Variants in PAX6 observed in about 807,000 individuals in gnomAD.
The protein encoded by PAX6 is paired box 6.
PAX6 carries 7 observed loss-of-function variants against 60.7 expected under a neutral mutation model. The ratio of observed to expected loss-of-function variants is 0.12; its 90% CI spans 0.07 to 0.22. The LOEUF (loss-of-function observed/expected upper bound fraction) is 0.22. PAX6 is among the 10% of genes least tolerant of loss of function. PAX6 has a pLI of 1.00. For synonymous variants in PAX6, 208 were observed against 201.2 expected (o/e 1.03, Z -0.29); for missense variants, 355 against 555.2 (o/e 0.64, Z 3.62).
At position 31,789,896 on chromosome 11, in the gene PAX6, CA is replaced by C. The variant is rs772347211; in HGVS notation, c.*37del. ...TCCCCATAGTCACTGACTGAATTAA[CA>C]CAATATTTCCTTTCCTTTTTTTTTT... On this transcript the variant is annotated 3_prime_UTR_variant, in exon 14 of 14. Coordinates refer to ENST00000640368, the MANE Select transcript of PAX6 (RefSeq NM_001368894.2). The C allele has an allele frequency of 6.5e-7, 1 of 1,537,202 alleles. No individual in the cohort carries two copies. Among genetic ancestry groups the C allele is most frequent in the Non-Finnish European group, 8.9e-7 (1 of 1,126,662 alleles).
intron 12 of PAX6, chr11:31,791,261 G>A: frequency 2.9e-6 from 1 of 346,562 alleles, no homozygotes; most frequent in East Asian, 7.0e-5. Context: ...GACCCCCAGA[G>A]CCCATATCTC....
intron 8 of PAX6, among the ~76,000 whole-genome samples, chr11:31,796,559 A>G (rs1240538290): frequency 9.1e-6 from 1 of 110,004 alleles, no homozygotes; most frequent in Non-Finnish European, 1.7e-5. Flanking sequence ...TCCTACATAG[A>G]GGAGATGGAG....
intron 1 of PAX6, chr11:31,817,708 G>A (rs1162675803): frequency 6.6e-6 from 1 of 152,252 alleles, no homozygotes; most frequent in Admixed American, 6.5e-5. Context: ...TCAAGCCCCG[G>A]GGCCACTTGG....
chr11:31,806,149 C>A (rs1592606534), intron 4 of PAX6: 1 of 490,006 alleles, frequency 2.0e-6, no homozygotes, highest in Admixed American at 4.1e-5. Flanking sequence ...GTTTCTCTAC[C>A]GCAGCTTCGA....
chr11:31,816,462 G>T, intron 1 of PAX6: 1 of 684,338 alleles, frequency 1.5e-6, no homozygotes, highest in East Asian at 2.7e-5. Context: ...TTTTCTCGCC[G>T]TGACAGCCGA....
chr11:31,817,168 C>T (rs569462498), intron 1 of PAX6, among the ~76,000 whole-genome samples: 30 of 152,378 alleles, frequency 2.0e-4, no homozygotes, highest in Non-Finnish European at 4.1e-4. Context: ...CAGTGAGAAT[C>T]GCTAATTATT....
At chr11:31,793,967 C>T in intron 10 of PAX6, 65 bp downstream of exon 10, 1 of 1,289,592 alleles carries the variant, frequency 7.8e-7, no homozygotes, top group Non-Finnish European at 1.1e-6. Flanking sequence ...GTACAAGCAC[C>T]TCTGTCTCTA....
At position 31,790,119 on chromosome 11, in the gene PAX6, A is replaced by C. The variant is rs563795282; in HGVS notation, c.1226-100T>G. ...TTACAAAAAAAAAAAAAAAAAAAAA[A>C]ACTAATACTTTCTAACATTTTTTAC... On this transcript the variant is annotated intron_variant, in intron 13 of 13. Transcript: ENST00000640368. The C allele has an allele frequency of 4.0e-5, 31 of 771,886 alleles. 1 individual carries two copies. In the African/African-American group the frequency reaches 5.0e-4, roughly 12 times the overall value. The allele number at this position is 771,886 out of a possible 1,614,324, so 47.8% of individuals were successfully genotyped here.
intron 4 of PAX6, chr11:31,804,611 C>T (rs992617990): frequency 6.6e-6 from 1 of 152,392 alleles, no homozygotes; most frequent in African/African-American, 2.4e-5. Context: ...CTCCTAACTT[C>T]CTTTTATTGC....
chr11:31,805,728 G>A lies in PAX6; in HGVS notation c.10+674C>T, dbSNP rs143112394. On this transcript the variant is annotated intron_variant, in intron 4 of 13. Transcript: ENST00000640368. ...GGCCATAAGTATCAAAAGCGCTCTG[G>A]GCCTGGGACTATCAGGACCCAAGCA... 5 of 152,860 alleles carry A rather than the reference G, an allele frequency of 3.3e-5. No homozygotes were observed. The East Asian group carries it at 9.7e-4, about 30-fold the overall frequency. The allele number at this position is 152,860 out of a possible 1,614,324, so 9.5% of individuals were successfully genotyped here.
intron 1 of PAX6, among the ~76,000 whole-genome samples, chr11:31,816,895 G>A (rs1018148759): frequency 6.6e-6 from 1 of 152,254 alleles, no homozygotes; most frequent in African/African-American, 2.4e-5. Flanking sequence ...GCCTAAGCCG[G>A]CCTGGGCGTC....
At chr11:31,795,073 T>C (rs1951095501) in intron 8 of PAX6, among the ~76,000 whole-genome samples, 1 of 152,190 alleles carries the variant, frequency 6.6e-6, no homozygotes, top group South Asian at 2.1e-4. Context: ...AAATGATCTT[T>C]TATAAGTAAC....
At chr11:31,799,575 G>T (rs1459542524) in intron 8 of PAX6, among the ~76,000 whole-genome samples, 3 of 152,202 alleles carry the variant, frequency 2.0e-5, no homozygotes, top group Non-Finnish European at 4.4e-5. Flanking sequence ...ATTACAGAGC[G>T]ACAGGATTGT....
chr11:31,790,672 G>C, intron 13 of PAX6, 38 bp downstream of exon 13: 1 of 1,613,466 alleles, frequency 6.2e-7, no homozygotes, highest in South Asian at 1.1e-5. Flanking sequence ...AGTGAAGAGA[G>C]ATCGCCTCTG....
intron 4 of PAX6, chr11:31,806,126 T>G: frequency 4.2e-6 from 2 of 475,742 alleles, no homozygotes; most frequent in South Asian, 7.9e-5. Flanking sequence ...TTACAGGATT[T>G]GGGGGGGATG....
upstream of PAX6, among the ~76,000 whole-genome samples, chr11:31,813,506 G>A (rs905161552): frequency 6.6e-5 from 10 of 151,774 alleles, no homozygotes; most frequent in Non-Finnish European, 1.0e-4. Context: ...AGAAGCAGCC[G>A]TAATCTTGTT....
chr11:31,811,461 G>C, upstream of PAX6: 1 of 366,158 alleles, frequency 2.7e-6, no homozygotes, highest in Non-Finnish European at 4.9e-6. Flanking sequence ...CTTGTTTTCG[G>C]CTCCGCCGGT....
chr11:31,802,959 G>A, intron 4 of PAX6, 125 bp from the exon 5 acceptor site: 1 of 967,246 alleles, frequency 1.0e-6, no homozygotes, highest in Non-Finnish European at 1.6e-6. Flanking sequence ...AGGAGGAAGG[G>A]GAAGAGGAAG....
At chr11:31,801,988 A>G (rs371975978) in intron 5 of PAX6, 76 bp from the exon 6 acceptor site, 260 of 1,210,012 alleles carry the variant, frequency 2.1e-4, no homozygotes, top group African/African-American at 2.7e-4. Context: ...TTACATTTGT[A>G]GCCCTAAAAA....
Sources: allele counts gnomAD v4.1 joint callset (sites outside exome capture counted in the v4.1 genomes callset), GRCh38; gene constraint gnomAD v4.1.1; transcripts MANE v1.5; gene names NCBI Gene and HGNC (gene_info 2026-07-23, HGNC 2026-07-21).